Variants in YES1 observed in about 807,000 individuals in gnomAD.
YES1 encodes tyrosine-protein kinase Yes.
In YES1, 39 loss-of-function variants were observed where a neutral mutation model predicts 70.4. The observed-to-expected ratio is 0.55, with a 90% confidence interval of 0.43 to 0.72. The LOEUF is 0.72. Among genes scored for constraint, YES1 ranks in the 30% least tolerant of loss-of-function variants. The pLI is 0.00. For missense variants in YES1, 495 were observed against 644.8 expected (o/e 0.77, Z 2.52); for synonymous variants, 198 against 218.6 (o/e 0.91, Z 0.83).
chr18:772,951 A>T (rs888740111), intron 1 of YES1, among the ~76,000 whole-genome samples: 3 of 152,162 alleles, frequency 2.0e-5, no homozygotes, highest in Non-Finnish European at 4.4e-5. Context: ...CTGCTATCTA[A>T]CTGCACTAAC....
intron 1 of YES1, among the ~76,000 whole-genome samples, chr18:792,608 T>C (rs185284191): frequency 1.4e-3 from 211 of 151,770 alleles, no homozygotes; most frequent in Middle Eastern, 3.4e-3. Flanking sequence ...TACATATATA[T>C]ACATACATAT....
intron 1 of YES1, chr18:775,240 T>G (rs983511363): frequency 1.3e-5 from 2 of 152,216 alleles, no homozygotes; most frequent in African/African-American, 4.8e-5. Context: ...TGTGATCATT[T>G]TGATAATGGT....
At chr18:775,312 A>G (rs1905323872) in intron 1 of YES1, 1 of 152,192 alleles carries the variant, frequency 6.6e-6, no homozygotes, top group African/African-American at 2.4e-5. Context: ...AATATAGTAC[A>G]AAGAAAAATA....
chr18:735,103 G>A (rs1362985380), intron 10 of YES1, among the ~76,000 whole-genome samples: 2 of 141,364 alleles, frequency 1.4e-5, no homozygotes, highest in Non-Finnish European at 3.0e-5. Flanking sequence ...GTTGCAGTGA[G>A]CTGAGATTGT....
chr18:726,781 C>CAAAAAAAAAAA lies in YES1; in HGVS notation c.1424-2160_1424-2150dup, dbSNP rs58322434. ...GGGTGACAAAGCAAGACTCTTGTCT[C>CAAAAAAAAAAA]AAAAAAAAAAAAAAAAAAAAAAAAA... On this transcript the variant is annotated intron_variant, in intron 11 of 11. Transcript: ENST00000314574. 4.9e-4 allele frequency among the ~76,000 whole-genome samples: 23 copies of CAAAAAAAAAAA among 47,252 alleles called. 1 individual carries two copies. The highest frequency in any genetic ancestry group is 6.0e-4 in the Non-Finnish European group (17 of 28,410). 31.0% of individuals were successfully genotyped at this position (47,252 alleles called of 152,430 possible). A position where few individuals can be genotyped will look rare whatever the true frequency, so the allele number is the denominator to read the frequency against.
At chr18:768,222 C>CCAAA (rs1335951634) in intron 1 of YES1, among the ~76,000 whole-genome samples, 1 of 152,138 alleles carries the variant, frequency 6.6e-6, no homozygotes, top group African/African-American at 2.4e-5. Flanking sequence ...CTAAGACCTG[C>CCAAA]CAAACCATGC....
At chr18:740,497 T>C (rs1431065239) in intron 8 of YES1, among the ~76,000 whole-genome samples, 1 of 152,120 alleles carries the variant, frequency 6.6e-6, no homozygotes, top group Non-Finnish European at 1.5e-5. Flanking sequence ...TGCCTGACCA[T>C]AAACTGGATC....
chr18:796,682 C>A (rs551970961), intron 1 of YES1, among the ~76,000 whole-genome samples: 1 of 152,010 alleles, frequency 6.6e-6, no homozygotes, highest in East Asian at 1.9e-4. Flanking sequence ...CACTTGAACC[C>A]GGGAGGTGGA....
At chr18:794,802 T>C (rs1389550130) in intron 1 of YES1, among the ~76,000 whole-genome samples, 1 of 152,052 alleles carries the variant, frequency 6.6e-6, no homozygotes, top group African/African-American at 2.4e-5. Flanking sequence ...TCTTCACATG[T>C]GGGTTTTTGG....
intron 1 of YES1, among the ~76,000 whole-genome samples, chr18:764,046 G>C (rs925162868): frequency 1.3e-5 from 2 of 151,074 alleles, no homozygotes; most frequent in African/African-American, 2.4e-5. Flanking sequence ...CATGAACCCG[G>C]GAGGCGGAGC....
At chr18:751,888 A>G in intron 2 of YES1, 84 bp from the exon 3 acceptor site, 2 of 853,812 alleles carry the variant, frequency 2.3e-6, no homozygotes, top group Non-Finnish European at 3.8e-6. Flanking sequence ...GCCAAAAAAA[A>G]AAAAGCTTAA....
chr18:800,057 A>T (rs918634390), intron 1 of YES1, among the ~76,000 whole-genome samples: 3 of 152,376 alleles, frequency 2.0e-5, no homozygotes, highest in Non-Finnish European at 4.4e-5. Flanking sequence ...ATCAAACCTT[A>T]GTTTCTCCAT....
At position 724,305 on chromosome 18, in the gene YES1, C is replaced by A; in HGVS notation, c.*119G>T. The A allele has an allele frequency of 1.0e-6, 1 of 997,236 alleles. No homozygotes were observed. Among genetic ancestry groups the A allele is most frequent in the Non-Finnish European group, 1.5e-6 (1 of 687,212 alleles). The allele number at this position is 997,236 out of a possible 1,614,324, so 61.8% of individuals were successfully genotyped here. A position where few individuals can be genotyped will look rare whatever the true frequency, so the allele number is the denominator to read the frequency against. On this transcript the variant is annotated 3_prime_UTR_variant, in exon 12 of 12. Coordinates refer to ENST00000314574, the MANE Select transcript of YES1 (RefSeq NM_005433.4). ...TTTTGTGCAACCATATCTGGGATTCCAGTTTACCATTAAAAACATGCAGAG... is the reference window on the plus strand; with the variant it reads ...TTTTGTGCAACCATATCTGGGATTCAAGTTTACCATTAAAAACATGCAGAG...
Position 756,366 on chromosome 18 carries a change from C to A in YES1, c.271+191G>T, listed in dbSNP as rs534440692. Among the ~76,000 whole-genome samples the A allele has an allele frequency of 1.2e-4, 18 of 152,076 alleles. 1 individual carries two copies. The highest frequency in any genetic ancestry group is 1.0e-3 in the South Asian group (5 of 4,808). ...CCAGTACATAATCACCATCAGGTTA[C>A]TACCAATTTTCCAGAACCATACCCA... On this transcript the variant is annotated intron_variant, in intron 2 of 11. Transcript: ENST00000314574.
At chr18:810,831 T>C (rs1263160634) in intron 1 of YES1, among the ~76,000 whole-genome samples, 1 of 152,184 alleles carries the variant, frequency 6.6e-6, no homozygotes, top group African/African-American at 2.4e-5. Context: ...AGTAAAACTT[T>C]CTTACTGTAC....
At chr18:740,033 G>A (rs1203767608) in intron 8 of YES1, among the ~76,000 whole-genome samples, 1 of 152,114 alleles carries the variant, frequency 6.6e-6, no homozygotes. Context: ...AAAAGAAAAT[G>A]CATTAACTTT....
intron 11 of YES1, among the ~76,000 whole-genome samples, chr18:728,688 G>A (rs2080050227): frequency 6.6e-6 from 1 of 152,110 alleles, no homozygotes; most frequent in Non-Finnish European, 1.5e-5. Context: ...ACCATGCCCA[G>A]CTAATTTTTG....
intron 3 of YES1, among the ~76,000 whole-genome samples, chr18:751,165 C>T (rs571282508): frequency 6.6e-6 from 1 of 152,218 alleles, no homozygotes; most frequent in Admixed American, 6.5e-5. Context: ...TGAGAAGTTA[C>T]AAAGTGGTCA....
At chr18:735,777 G>A (rs2080146081) in intron 10 of YES1, 1 of 152,040 alleles carries the variant, frequency 6.6e-6, no homozygotes, top group Non-Finnish European at 1.5e-5. Context: ...TGGGTGATGG[G>A]TGCACTGAAA....
Sources: gnomAD v4.1 joint callset for allele counts (sites outside exome capture counted in the v4.1 genomes callset) on GRCh38, gnomAD v4.1.1 for gene constraint, MANE v1.5 for transcripts, NCBI Gene and HGNC (gene_info 2026-07-23, HGNC 2026-07-21) for gene names.